The following CLEC7A variants were observed in gnomAD, a reference collection of about 807,000 sequenced individuals.
CLEC7A encodes the protein C-type lectin domain family 7 member A.
CLEC7A carries 25 observed loss-of-function variants against 26.9 expected under a neutral mutation model. The observed-to-expected ratio is 0.93, with a 90% CI of 0.68 to 1.30. The LOEUF is 1.30. CLEC7A is among the 50% of genes most tolerant of loss of function. The pLI, the probability that CLEC7A is intolerant of heterozygous loss-of-function variation, is 0.00. For missense variants in CLEC7A, 275 were observed against 286.7 expected (o/e 0.96, Z 0.29); for synonymous variants, 100 against 99.5 (o/e 1.01, Z -0.03).
In CLEC7A at chr12:10,116,805, A is replaced by C. The variant is rs1947928715; in HGVS notation, c.*1653T>G. The C allele has an allele frequency of 6.6e-6, 1 of 152,126 alleles. No individual in the cohort carries two copies. The highest frequency in any genetic ancestry group is 2.4e-5 in the African/African-American group (1 of 41,412). 9.4% of individuals were successfully genotyped at this position (152,126 alleles called of 1,614,324 possible). On this transcript the variant is annotated 3_prime_UTR_variant, in exon 6 of 6. Coordinates refer to ENST00000304084, the MANE Select transcript of CLEC7A (RefSeq NM_197947.3). ...TTTGATAAGAGTTTTTTTTTATTGAAATGAAATCCACATAACATAAAATCA... is the reference window on the plus strand; with the variant it reads ...TTTGATAAGAGTTTTTTTTTATTGACATGAAATCCACATAACATAAAATCA...
intron 5 of CLEC7A, among the ~76,000 whole-genome samples, chr12:10,119,445 G>C (rs765590256): frequency 5.9e-5 from 9 of 152,146 alleles, no homozygotes; most frequent in Non-Finnish European, 1.0e-4. Flanking sequence ...GACACAGCTA[G>C]ATTAAATAAA....
At chr12:10,122,064 GAATAA>G (rs1174611279) in intron 5 of CLEC7A, among the ~76,000 whole-genome samples, 2 of 151,998 alleles carry the variant, frequency 1.3e-5, no homozygotes, top group African/African-American at 4.8e-5. Flanking sequence ...ATACAGATTA[GAATAA>G]AAGTTAATGA....
chr12:10,127,760 G>A lies in CLEC7A; in HGVS notation c.189C>T (p.Val63=), dbSNP rs1396267988. ...LCLVILVIAV[V]LGTMAIWRSN... ...CCAAATACTCACCCATGGTACCCAGGACCACAGCTATCACCAGTATTACCA... is the reference window on the plus strand; with the variant it reads ...CCAAATACTCACCCATGGTACCCAGAACCACAGCTATCACCAGTATTACCA... Residue 63 remains valine (V), a synonymous_variant, in exon 2 of 6, where the codon GTC becomes GTT. Transcript: ENST00000304084. 34 of 1,588,038 alleles carry A rather than the reference G, an allele frequency of 2.1e-5. No individual in the cohort carries two copies. The highest frequency in any genetic ancestry group is 2.5e-5 in the Non-Finnish European group (29 of 1,165,186).
At chr12:10,125,739 T>C (rs377041324) in intron 3 of CLEC7A, among the ~76,000 whole-genome samples, 1 of 152,178 alleles carries the variant, frequency 6.6e-6, no homozygotes. Flanking sequence ...CAAAACTACC[T>C]TTCTCCTTAA....
At chr12:10,126,447 G>A (rs1948286620) in intron 3 of CLEC7A, 124 bp downstream of exon 3, 2 of 1,448,148 alleles carry the variant, frequency 1.4e-6, no homozygotes, top group Non-Finnish European at 1.8e-6. Context: ...ATACTAATAT[G>A]TGTATTTGCC....
intron 5 of CLEC7A, among the ~76,000 whole-genome samples, chr12:10,119,553 G>C (rs1235530834): frequency 6.6e-6 from 1 of 152,138 alleles, no homozygotes; most frequent in East Asian, 1.9e-4. Context: ...ATTTAAAATA[G>C]CAAGAGAAAA....
At chr12:10,129,841 C>A in intron 1 of CLEC7A, 139 bp downstream of exon 1, 1 of 516,300 alleles carries the variant, frequency 1.9e-6, no homozygotes, top group East Asian at 3.2e-5. Context: ...TGGCCTCGAA[C>A]TCCTGACCTC....
At chr12:10,121,476 C>G (rs745746008) in intron 5 of CLEC7A, among the ~76,000 whole-genome samples, 15 of 140,954 alleles carry the variant, frequency 1.1e-4, no homozygotes, top group Non-Finnish European at 1.8e-4. Context: ...GGAAGAAGCA[C>G]GTAAAAATCA....
chr12:10,126,002 A>G, intron 3 of CLEC7A: 1 of 184,334 alleles, frequency 5.4e-6, no homozygotes, highest in Non-Finnish European at 1.0e-5. Context: ...TTATGATGCA[A>G]TTAGAAGTAA....
intron 5 of CLEC7A, among the ~76,000 whole-genome samples, chr12:10,120,552 T>A (rs1948046165): frequency 6.6e-6 from 1 of 151,046 alleles, no homozygotes; most frequent in African/African-American, 2.4e-5. Context: ...GAATACTAAC[T>A]GCATAAATCT....
chr12:10,122,691 A>G (rs1948133043), intron 5 of CLEC7A, among the ~76,000 whole-genome samples: 2 of 151,848 alleles, frequency 1.3e-5, no homozygotes, highest in East Asian at 1.9e-4. Flanking sequence ...GGGTTTCACC[A>G]TGTTGGTCAG....
chr12:10,129,640 T>C (rs113895413), intron 1 of CLEC7A, among the ~76,000 whole-genome samples: 12,673 of 152,184 alleles, frequency 0.083, 675 homozygotes, highest in African/African-American at 0.14. Flanking sequence ...TTTTCAGAGA[T>C]GGAGTCTTGC....
intron 5 of CLEC7A, among the ~76,000 whole-genome samples, chr12:10,122,934 A>G (rs4764272): frequency 0.79 from 120,571 of 151,968 alleles, 48,998 homozygotes; most frequent in Middle Eastern, 0.87. Context: ...TTAACCGGGG[A>G]GTTACACTGA....
At chr12:10,126,121 T>G (rs1239929968) in intron 3 of CLEC7A, 1 of 945,242 alleles carries the variant, frequency 1.1e-6, no homozygotes, top group Non-Finnish European at 1.3e-6. Context: ...TTGTATATTT[T>G]TAATATAGCT....
chr12:10,127,940 C>T (rs1948352249), intron 1 of CLEC7A, 95 bp from the exon 2 acceptor site: 2 of 785,248 alleles, frequency 2.5e-6, no homozygotes, highest in Non-Finnish European at 4.1e-6. Context: ...TCTGGCCTTG[C>T]ACGGTGGCTC....
chr12:10,123,932 C>G (rs1415454531), intron 4 of CLEC7A, among the ~76,000 whole-genome samples: 1 of 152,172 alleles, frequency 6.6e-6, no homozygotes, highest in Non-Finnish European at 1.5e-5. Flanking sequence ...TGTACTGCCT[C>G]CATTCAACCT....
At chr12:10,126,366 C>T in intron 3 of CLEC7A, 1 of 980,116 alleles carries the variant, frequency 1.0e-6, no homozygotes, top group Non-Finnish European at 1.2e-6. Context: ...TAGAACTGTC[C>T]AGCCAACTGC....
intron 2 of CLEC7A, 39 bp from the exon 3 acceptor site, chr12:10,126,747 G>T: frequency 6.5e-7 from 1 of 1,529,408 alleles, no homozygotes; most frequent in Non-Finnish European, 8.9e-7. Context: ...CAGAAAAAAT[G>T]TCATTCTGCT....
In CLEC7A at chr12:10,118,384, G is replaced by A; in HGVS notation, c.*74C>T. The A allele has an allele frequency of 7.2e-7, 1 of 1,389,608 alleles. No individual in the cohort carries two copies. The allele number at this position is 1,389,608 out of a possible 1,614,324, so 86.1% of individuals were successfully genotyped here. On this transcript the variant is annotated 3_prime_UTR_variant, in exon 6 of 6. Transcript: ENST00000304084. ...TTCTGCATTTATCTTGACCTCAGCT[G>A]TTACTCTTTTCTGTTCTGTTTTCTG...
Sources: gnomAD v4.1 joint callset for allele counts (sites outside exome capture counted in the v4.1 genomes callset) on GRCh38, gnomAD v4.1.1 for gene constraint, MANE v1.5 for transcripts, NCBI Gene and HGNC (gene_info 2026-07-23, HGNC 2026-07-21) for gene names.